The following ITGAE variants were observed in gnomAD, a reference collection of about 807,000 sequenced individuals.
The protein encoded by ITGAE is integrin alpha-E.
In ITGAE, 99 loss-of-function variants were observed where a neutral mutation model predicts 136.5. That is an observed-to-expected ratio of 0.73 (90% CI 0.62 to 0.86). The LOEUF is 0.86. Among genes scored for constraint, ITGAE ranks in the 40% least tolerant of loss-of-function variants. The pLI is 0.00. For synonymous variants in ITGAE, 613 were observed against 591.8 expected (o/e 1.04, Z -0.52); for missense variants, 1,447 against 1,515.3 (o/e 0.95, Z 0.75).
At chr17:3,771,536 T>TC (rs1567547927) in intron 2 of ITGAE, among the ~76,000 whole-genome samples, 1,427 of 113,800 alleles carry the variant, frequency 0.013, 13 homozygotes, top group African/African-American at 0.016. Flanking sequence ...ATTTTTCTCT[T>TC]TTTTTTTTTT....
intron 1 of ITGAE, among the ~76,000 whole-genome samples, chr17:3,781,274 TC>T: frequency 6.6e-6 from 1 of 152,272 alleles, no homozygotes. Flanking sequence ...CGGGTCATGC[TC>T]CTCCACTCAG....
chr17:3,780,594 G>A (rs897660893), intron 1 of ITGAE, among the ~76,000 whole-genome samples: 4 of 151,628 alleles, frequency 2.6e-5, no homozygotes, highest in South Asian at 2.1e-4. Flanking sequence ...CACTGCACCC[G>A]GCCAATTTTT....
At chr17:3,732,502 CAAACA>C (rs768616059) in intron 21 of ITGAE, 36 bp from the exon 22 acceptor site, 11 of 1,552,364 alleles carry the variant, frequency 7.1e-6, no homozygotes, top group Admixed American at 3.4e-5. Flanking sequence ...CTTAAAGAGC[CAAACA>C]AAACAAAACA....
chr17:3,755,014 C>T (rs1323021039), intron 12 of ITGAE, 103 bp downstream of exon 12: 60 of 1,307,618 alleles, frequency 4.6e-5, no homozygotes, highest in Non-Finnish European at 6.0e-5. Flanking sequence ...AGGTAGGCCC[C>T]GCCCTCGCCC....
At chr17:3,754,141 C>G (rs557862575) in intron 12 of ITGAE, among the ~76,000 whole-genome samples, 29 of 152,338 alleles carry the variant, frequency 1.9e-4, no homozygotes, top group Middle Eastern at 6.8e-3. Flanking sequence ...GATGCACACG[C>G]TGTCTGTCAC....
chr17:3,787,924 G>A (rs150950500), intron 1 of ITGAE, among the ~76,000 whole-genome samples: 2 of 151,984 alleles, frequency 1.3e-5, no homozygotes, highest in African/African-American at 2.4e-5. Context: ...CCTGACCTCA[G>A]GTGATCCACC....
intron 1 of ITGAE, among the ~76,000 whole-genome samples, chr17:3,789,582 C>T (rs981700487): frequency 6.6e-5 from 10 of 151,616 alleles, no homozygotes; most frequent in Non-Finnish European, 1.5e-4. Flanking sequence ...CTCACTGCAA[C>T]CTCTGCCTCC....
Position 3,732,476 on chromosome 17 carries a change from G to A in ITGAE, c.2656-10C>T. On this transcript the variant is annotated splice_polypyrimidine_tract_variant and intron_variant, in intron 21 of 30. Coordinates refer to ENST00000263087, the MANE Select transcript of ITGAE (RefSeq NM_002208.5). Reference sequence around the variant, plus strand: ...TGTTTGGAGAGGGAGGCTGTTAAAAGAGCAGATGACATTCTCTTAAAGAGC... The same window carrying A: ...TGTTTGGAGAGGGAGGCTGTTAAAAAAGCAGATGACATTCTCTTAAAGAGC... 6.2e-7 allele frequency: 1 copy of A among 1,607,638 alleles called. No individual in the cohort carries two copies. Among genetic ancestry groups the A allele is most frequent in the Non-Finnish European group, 8.5e-7 (1 of 1,174,170 alleles).
chr17:3,733,338 G>A (rs62072595), intron 21 of ITGAE, among the ~76,000 whole-genome samples: 7,235 of 152,252 alleles, frequency 0.048, 230 homozygotes, highest in Non-Finnish European at 0.072. Flanking sequence ...AATAGCCTAA[G>A]ATGACCGGGG....
At chr17:3,772,403 T>C (rs2052446455) in intron 2 of ITGAE, among the ~76,000 whole-genome samples, 1 of 151,580 alleles carries the variant, frequency 6.6e-6, no homozygotes, top group Non-Finnish European at 1.5e-5. Context: ...ACTTGCTGAA[T>C]GAATGAATGA....
intron 29 of ITGAE, among the ~76,000 whole-genome samples, chr17:3,718,692 G>A (rs929649244): frequency 1.3e-5 from 2 of 152,212 alleles, no homozygotes; most frequent in African/African-American, 4.8e-5. Flanking sequence ...GTATCAGTAA[G>A]TAAGAGGGGG....
chr17:3,751,493 T>C (rs2051865624), intron 15 of ITGAE, among the ~76,000 whole-genome samples, 157 bp downstream of exon 15: 1 of 150,672 alleles, frequency 6.6e-6, no homozygotes, highest in African/African-American at 2.4e-5. Context: ...GTCTGGAAGC[T>C]CCCCCTAGCC....
intron 1 of ITGAE, among the ~76,000 whole-genome samples, chr17:3,794,978 G>A (rs574664204): frequency 2.6e-5 from 4 of 152,106 alleles, no homozygotes; most frequent in African/African-American, 7.2e-5. Context: ...TCCAGGCCTC[G>A]ACACAGCGGC....
chr17:3,731,035 C>A (rs555973927), intron 23 of ITGAE, 69 bp downstream of exon 23: 8 of 1,281,718 alleles, frequency 6.2e-6, no homozygotes, highest in Non-Finnish European at 7.9e-6. Context: ...CCTCTCACAG[C>A]GTGCATGTGG....
At chr17:3,752,578 G>T (rs2051897929) in intron 14 of ITGAE, among the ~76,000 whole-genome samples, 1 of 151,078 alleles carries the variant, frequency 6.6e-6, no homozygotes, top group Non-Finnish European at 1.5e-5. Flanking sequence ...TAACATGGCG[G>T]AACCCCATCT....
intron 23 of ITGAE, among the ~76,000 whole-genome samples, chr17:3,730,221 C>T (rs1204706302): frequency 6.6e-6 from 1 of 151,984 alleles, no homozygotes; most frequent in Non-Finnish European, 1.5e-5. Flanking sequence ...TTTGGGAGGC[C>T]AAGGCTGGTG....
At chr17:3,715,599 C>G (rs946853456) in intron 30 of ITGAE, among the ~76,000 whole-genome samples, 13 of 152,180 alleles carry the variant, frequency 8.5e-5, no homozygotes, top group African/African-American at 2.9e-4. Context: ...ATGCCTGTAA[C>G]CCCACCACTT....
chr17:3,771,403 G>A (rs185208316), intron 2 of ITGAE, among the ~76,000 whole-genome samples: 15 of 152,344 alleles, frequency 9.8e-5, no homozygotes, highest in Non-Finnish European at 1.6e-4. Context: ...GATGTGTCTG[G>A]AAGGGAGTGC....
At chr17:3,723,947 G>T (rs776415977) in intron 26 of ITGAE, 4 of 1,554,268 alleles carry the variant, frequency 2.6e-6, no homozygotes, top group Non-Finnish European at 3.5e-6. Flanking sequence ...TGGCGGCTTC[G>T]CTCCCGGGAC....
Sources: allele counts gnomAD v4.1 joint callset (sites outside exome capture counted in the v4.1 genomes callset), GRCh38; gene constraint gnomAD v4.1.1; transcripts MANE v1.5; gene names NCBI Gene and HGNC (gene_info 2026-07-23, HGNC 2026-07-21).